The following PROM1 variants were observed in gnomAD, a reference collection of about 807,000 sequenced individuals.
The protein encoded by PROM1 is prominin 1, also known as prominin-1.
A neutral mutation model predicts 116.9 loss-of-function variants in PROM1; 105 were observed. The observed-to-expected ratio is 0.90, with a 90% CI of 0.77 to 1.06. PROM1 has a LOEUF of 1.06. Among genes scored for constraint, PROM1 ranks in the 50% least tolerant of loss-of-function variants. The pLI is 0.00. For synonymous variants in PROM1, 393 were observed against 387.0 expected, an observed-to-expected ratio of 1.02 and a Z score of -0.18; for missense variants, 1,122 against 1,045.2, an observed-to-expected ratio of 1.07 and a Z score of -1.01.
At chr4:16,065,994 G>C (rs1392789527) in intron 2 of PROM1, among the ~76,000 whole-genome samples, 1 of 152,208 alleles carries the variant, frequency 6.6e-6, no homozygotes, top group Non-Finnish European at 1.5e-5. Context: ...AAGACAGGCA[G>C]AGATGAGAGT....
intron 11 of PROM1, among the ~76,000 whole-genome samples, chr4:16,012,554 C>A (rs1727149626): frequency 1.3e-5 from 2 of 152,132 alleles, no homozygotes; most frequent in Admixed American, 6.5e-5. Context: ...AAAATAAATT[C>A]TTTTACACAG....
chr4:15,981,232 A>C (rs533213672), intron 23 of PROM1, among the ~76,000 whole-genome samples: 48 of 148,384 alleles, frequency 3.2e-4, no homozygotes, highest in African/African-American at 1.1e-3. Context: ...AAGTGCTGAG[A>C]TTACAGGCGT....
intron 14 of PROM1, among the ~76,000 whole-genome samples, chr4:15,999,751 C>T (rs1462292047): frequency 6.6e-6 from 1 of 151,688 alleles, no homozygotes; most frequent in African/African-American, 2.4e-5. Context: ...ACTGTGACAA[C>T]AGTATTCTCC....
At chr4:16,029,680 A>AT (rs1023408477) in intron 5 of PROM1, among the ~76,000 whole-genome samples, 4 of 152,166 alleles carry the variant, frequency 2.6e-5, no homozygotes, top group African/African-American at 9.6e-5. Flanking sequence ...AAAGATTTAC[A>AT]TTTTTTAAAA....
At position 16,052,564 on chromosome 4, in the gene PROM1, C is replaced by T. The variant is rs190943418; in HGVS notation, c.221-13563G>A. Among the ~76,000 whole-genome samples, 3 of 151,260 alleles carry T rather than the reference C, an allele frequency of 2.0e-5. No individual in the cohort carries two copies. In the East Asian group the frequency reaches 5.9e-4, roughly 30 times the overall value. ...TGATCTCGGCTCACTGCAGCCTTAA[C>T]CTCCCTGGGCTCAGGTGATCCTCCC... On this transcript the variant is annotated intron_variant, in intron 2 of 27. Transcript: ENST00000447510.
chr4:16,030,234 A>C (rs1732320624), intron 5 of PROM1, among the ~76,000 whole-genome samples: 1 of 152,224 alleles, frequency 6.6e-6, no homozygotes, highest in Admixed American at 6.5e-5. Flanking sequence ...TTAAATTCTC[A>C]TCAGAATTTA....
intron 26 of PROM1, chr4:15,971,385 A>T (rs1714516037): frequency 3.2e-6 from 1 of 307,936 alleles, no homozygotes; most frequent in African/African-American, 2.1e-5. Context: ...TGTTGAAGAC[A>T]TTAGACCAGC....
chr4:16,024,487 A>G, intron 6 of PROM1, 129 bp from the exon 7 acceptor site: 1 of 706,532 alleles, frequency 1.4e-6, no homozygotes, highest in Non-Finnish European at 2.3e-6. Context: ...AGTTCCTAGA[A>G]ACCTTTCTGC....
chr4:16,012,623 C>A (rs1421910999), intron 11 of PROM1, among the ~76,000 whole-genome samples: 1 of 152,040 alleles, frequency 6.6e-6, no homozygotes, highest in East Asian at 1.9e-4. Context: ...ATAATCCCAG[C>A]ACTTTGGGAG....
At position 16,062,764 on chromosome 4, in the gene PROM1, T is replaced by C. The variant is rs549274841; in HGVS notation, c.220+12923A>G. On this transcript the variant is annotated intron_variant, in intron 2 of 27. Transcript: ENST00000447510. ...AAAAACAAATTTTAAGCCTTGGCTCTACATCAAAAGATTGGTGAATGTTTT... is the reference window on the plus strand; with the variant it reads ...AAAAACAAATTTTAAGCCTTGGCTCCACATCAAAAGATTGGTGAATGTTTT... 5.2e-5 allele frequency among the ~76,000 whole-genome samples: 8 copies of C among 152,384 alleles called. No homozygotes were observed. The South Asian group carries it at 1.4e-3, about 28-fold the overall frequency.
intron 26 of PROM1, 150 bp from the exon 27 acceptor site, chr4:15,971,232 C>CAAAACACTGGTTACTCTAGCTTCTGTT: frequency 1.7e-6 from 1 of 591,230 alleles, no homozygotes; most frequent in East Asian, 2.8e-5. Flanking sequence ...ATGTGTCAGA[C>CAAAACACTGGTTACTCTAGCTTCTGTT]AAAACACTGG....
chr4:15,973,376 G>A (rs945542810), intron 26 of PROM1, among the ~76,000 whole-genome samples: 7 of 152,186 alleles, frequency 4.6e-5, no homozygotes, highest in African/African-American at 1.4e-4. Context: ...GAACCCAGGA[G>A]GTGGAGGTTG....
intron 26 of PROM1, among the ~76,000 whole-genome samples, chr4:15,979,061 G>C (rs1343079311): frequency 6.6e-6 from 1 of 152,046 alleles, no homozygotes; most frequent in Non-Finnish European, 1.5e-5. Flanking sequence ...GAAAAGCTTT[G>C]AAAACTGTAA....
intron 12 of PROM1, among the ~76,000 whole-genome samples, chr4:16,006,919 T>A (rs1725661780): frequency 6.6e-6 from 1 of 152,232 alleles, no homozygotes. Context: ...GTTTGCATTG[T>A]TCCTGGTGGT....
At chr4:16,011,780 C>T (rs1038911641) in intron 11 of PROM1, among the ~76,000 whole-genome samples, 1 of 152,136 alleles carries the variant, frequency 6.6e-6, no homozygotes, top group African/African-American at 2.4e-5. Context: ...AGGAAACCCA[C>T]AAAACATCTA....
intron 13 of PROM1, 103 bp from the exon 14 acceptor site, chr4:16,000,722 T>G: frequency 1.0e-6 from 1 of 966,616 alleles, no homozygotes; most frequent in Non-Finnish European, 1.4e-6. Flanking sequence ...CCCTGGGGTC[T>G]TCAGTGTTAT....
At chr4:16,055,372 C>T (rs137871118) in intron 2 of PROM1, 49 of 456,148 alleles carry the variant, frequency 1.1e-4, no homozygotes, top group Middle Eastern at 3.3e-4. Context: ...TTTCTGGCTT[C>T]GTTATCCTAC....
Position 16,075,701 on chromosome 4 carries a change from C to A in PROM1, c.206G>T (p.Arg69Leu), listed in dbSNP as rs370251231. The change falls in exon 2 of 28, where the codon CGT becomes CTT. Residue 69 changes from arginine (R) to leucine (L), a missense_variant. Transcript: ENST00000447510. ...TCAGCACTTACCTTCTGGGAAATCA[C>A]GCGGCTGTACCACATAGAGAAAGAT... The part of the protein sequence containing the change: ...VHIFLYVVQP[R>L]DFPEDTLRKF... The A allele has an allele frequency of 1.2e-6, 2 of 1,612,002 alleles. No individual in the cohort carries two copies. Among genetic ancestry groups the A allele is most frequent in the African/African-American group, 1.3e-5 (1 of 74,878 alleles).
At chr4:16,054,305 T>C (rs1738504592) in intron 2 of PROM1, among the ~76,000 whole-genome samples, 1 of 152,128 alleles carries the variant, frequency 6.6e-6, no homozygotes, top group African/African-American at 2.4e-5. Flanking sequence ...CCTCCATCAA[T>C]TGTCTTTAAA....
Sources: allele counts gnomAD v4.1 joint callset (sites outside exome capture counted in the v4.1 genomes callset), GRCh38; gene constraint gnomAD v4.1.1; transcripts MANE v1.5; gene names NCBI Gene and HGNC (gene_info 2026-07-23, HGNC 2026-07-21).